TAF3: variants seen among roughly 807,000 people sequenced by gnomAD.
TAF3 encodes TATA-box binding protein associated factor 3.
In TAF3, 7 loss-of-function variants were observed where a neutral mutation model predicts 80.6. The observed-to-expected ratio is 0.09, with a 90% CI of 0.05 to 0.16. The LOEUF is 0.16. TAF3 is among the 10% of genes least tolerant of loss of function. The pLI is 1.00. For synonymous variants in TAF3, 444 were observed against 446.1 expected (o/e 1.00, Z 0.06); for missense variants, 921 against 1,140.2 (o/e 0.81, Z 2.77).
intron 4 of TAF3, among the ~76,000 whole-genome samples, chr10:8,002,659 G>A (rs548208545): frequency 1.4e-4 from 21 of 152,080 alleles, no homozygotes; most frequent in Non-Finnish European, 2.2e-4. Flanking sequence ...TGAATATTCC[G>A]CACTGATTGA....
chr10:7,926,622 C>G (rs965379234), intron 2 of TAF3, among the ~76,000 whole-genome samples: 1 of 152,088 alleles, frequency 6.6e-6, no homozygotes, highest in Non-Finnish European at 1.5e-5. Context: ...ATAATAAGTT[C>G]TTTTAAAATC....
chr10:7,955,793 T>G (rs1439774559), intron 2 of TAF3, among the ~76,000 whole-genome samples: 1 of 152,252 alleles, frequency 6.6e-6, no homozygotes, highest in Non-Finnish European at 1.5e-5. Flanking sequence ...AGAAGCATGT[T>G]TTTCTCATTA....
At chr10:8,013,482 TACAA>T (rs1554789865) in intron 5 of TAF3, among the ~76,000 whole-genome samples, 1 of 152,210 alleles carries the variant, frequency 6.6e-6, no homozygotes, top group Non-Finnish European at 1.5e-5. Flanking sequence ...TTTTATGACT[TACAA>T]AAGAAAGCTT....
intron 2 of TAF3, among the ~76,000 whole-genome samples, chr10:7,897,524 T>C (rs530916048): frequency 6.6e-6 from 1 of 152,314 alleles, no homozygotes; most frequent in Non-Finnish European, 1.5e-5. Context: ...GCGTGTTTTG[T>C]TTTTTTCATG....
rs868200189 is a variant in TAF3, at chr10:7,894,431, G to A, written c.410-69489G>A. Among the ~76,000 whole-genome samples the A allele has an allele frequency of 4.6e-5, 7 of 152,324 alleles. No homozygotes were observed. The Middle Eastern group carries it at 0.014, about 296-fold the overall frequency. ...TCTGGTTTGGAGAAGTTAGGTCACTGGTGGAGAGGTGGTATCCATGTCTTC... is the reference window on the plus strand; with the variant it reads ...TCTGGTTTGGAGAAGTTAGGTCACTAGTGGAGAGGTGGTATCCATGTCTTC... On this transcript the variant is annotated intron_variant, in intron 2 of 6. Coordinates refer to ENST00000344293, the MANE Select transcript of TAF3 (RefSeq NM_031923.4).
chr10:7,972,756 G>A (rs534683547), intron 3 of TAF3, among the ~76,000 whole-genome samples: 1 of 152,150 alleles, frequency 6.6e-6, no homozygotes, highest in South Asian at 2.1e-4. Flanking sequence ...CCTTTGTCCT[G>A]CCAAGCCATT....
chr10:7,828,800 G>A (rs1836768652), intron 2 of TAF3, among the ~76,000 whole-genome samples: 1 of 151,900 alleles, frequency 6.6e-6, no homozygotes, highest in Non-Finnish European at 1.5e-5. Context: ...TTGGGAGGCC[G>A]AGGTGGGCGG....
At chr10:7,952,559 T>C in intron 2 of TAF3, among the ~76,000 whole-genome samples, 1 of 152,218 alleles carries the variant, frequency 6.6e-6, no homozygotes, top group East Asian at 1.9e-4. Flanking sequence ...TACAACAGTA[T>C]TAACATATAG....
intron 4 of TAF3, among the ~76,000 whole-genome samples, chr10:8,001,624 G>C (rs1831944124): frequency 1.3e-5 from 2 of 152,054 alleles, no homozygotes; most frequent in Admixed American, 1.3e-4. Flanking sequence ...TTCAGCTTTT[G>C]GTGAGATACT....
intron 2 of TAF3, among the ~76,000 whole-genome samples, chr10:7,935,778 G>C (rs973690039): frequency 2.6e-5 from 4 of 152,192 alleles, no homozygotes; most frequent in Non-Finnish European, 5.9e-5. Flanking sequence ...GCAGATTCCA[G>C]GCCTTGAGGC....
chr10:7,972,211 AT>A (rs1359278083), intron 3 of TAF3, among the ~76,000 whole-genome samples: 1 of 152,208 alleles, frequency 6.6e-6, no homozygotes, highest in East Asian at 1.9e-4. Context: ...GTGAGAAATT[AT>A]TTTATGATTG....
chr10:7,987,808 TC>T (rs1224713645), intron 4 of TAF3, among the ~76,000 whole-genome samples: 1 of 152,214 alleles, frequency 6.6e-6, no homozygotes, highest in Non-Finnish European at 1.5e-5. Context: ...TTCATAGAAA[TC>T]CTTTCTTCTT....
At chr10:7,862,382 G>A (rs192982600) in intron 2 of TAF3, among the ~76,000 whole-genome samples, 2 of 152,290 alleles carry the variant, frequency 1.3e-5, no homozygotes, top group East Asian at 3.9e-4. Context: ...GTTTCAGCAG[G>A]AAGTTACCTT....
intron 2 of TAF3, among the ~76,000 whole-genome samples, chr10:7,955,892 A>G (rs1838130547): frequency 6.6e-6 from 1 of 152,186 alleles, no homozygotes; most frequent in Admixed American, 6.5e-5. Context: ...TCCTGCTCCC[A>G]TCAACATTTG....
chr10:7,864,399 C>G (rs976842471), intron 2 of TAF3, among the ~76,000 whole-genome samples: 1 of 152,206 alleles, frequency 6.6e-6, no homozygotes, highest in Non-Finnish European at 1.5e-5. Context: ...TTAACTCTAA[C>G]AAATGCATTG....
chr10:7,866,369 G>A (rs1052913680), intron 2 of TAF3, among the ~76,000 whole-genome samples: 3 of 152,168 alleles, frequency 2.0e-5, no homozygotes, highest in Non-Finnish European at 4.4e-5. Flanking sequence ...TGAACGTAGG[G>A]GCCTGTGATG....
At chr10:7,855,059 G>A (rs1043016812) in intron 2 of TAF3, among the ~76,000 whole-genome samples, 4 of 152,130 alleles carry the variant, frequency 2.6e-5, no homozygotes, top group African/African-American at 9.7e-5. Context: ...AATAGAATGG[G>A]ATAAAAGGCA....
chr10:7,991,656 A>G (rs1312487048), intron 4 of TAF3, among the ~76,000 whole-genome samples: 1 of 152,184 alleles, frequency 6.6e-6, no homozygotes, highest in Admixed American at 6.5e-5. Flanking sequence ...ACAGATGAAT[A>G]TATGTATATG....
chr10:7,832,329 G>C (rs1836809413), intron 2 of TAF3, among the ~76,000 whole-genome samples: 1 of 152,132 alleles, frequency 6.6e-6, no homozygotes. Flanking sequence ...TCACTTAGCA[G>C]AATTGTTTGA....
Sources: gnomAD v4.1 joint callset for allele counts (sites outside exome capture counted in the v4.1 genomes callset) on GRCh38, gnomAD v4.1.1 for gene constraint, MANE v1.5 for transcripts, NCBI Gene and HGNC (gene_info 2026-07-23, HGNC 2026-07-21) for gene names.